The following C17orf67 variants were observed in gnomAD, a reference collection of about 807,000 sequenced individuals.
The protein encoded by C17orf67 is chromosome 17 open reading frame 67, also known as uncharacterized protein C17orf67.
Under a neutral mutation model 11.2 loss-of-function variants are expected in C17orf67, and 12 were observed. The ratio of observed to expected loss-of-function variants is 1.07; its 90% CI spans 0.68 to 1.73. The LOEUF (loss-of-function observed/expected upper bound fraction) is 1.73. Ranked by LOEUF, C17orf67 falls within the 40% of genes most tolerant of loss-of-function variation. C17orf67 has a pLI of 0.00. For synonymous variants in C17orf67, 59 were observed against 46.9 expected, an observed-to-expected ratio of 1.26 and a Z score of -1.05; for missense variants, 115 against 113.5, an observed-to-expected ratio of 1.01 and a Z score of -0.06.
chr17:56,807,245 G>A (rs1239233959), intron 6 of C17orf67, among the ~76,000 whole-genome samples: 1 of 152,208 alleles, frequency 6.6e-6, no homozygotes, highest in Non-Finnish European at 1.5e-5. Flanking sequence ...CCTGGGCGAG[G>A]CATGCTGGGA....
chr17:56,803,009 A>T (rs80101029), intron 6 of C17orf67, among the ~76,000 whole-genome samples: 412 of 152,350 alleles, frequency 2.7e-3, no homozygotes, highest in Non-Finnish European at 4.9e-3. Context: ...CGGTCATCGT[A>T]TCCTTCCCCA....
At chr17:56,826,429 G>C (rs1906033989) in intron 2 of C17orf67, among the ~76,000 whole-genome samples, 2 of 152,184 alleles carry the variant, frequency 1.3e-5, no homozygotes, top group South Asian at 2.1e-4. Context: ...GAGGTGAACT[G>C]ACAAGCACAA....
chr17:56,805,120 A>G (rs1285638682), intron 6 of C17orf67, among the ~76,000 whole-genome samples: 1 of 152,212 alleles, frequency 6.6e-6, no homozygotes, highest in Admixed American at 6.5e-5. Flanking sequence ...AGACAGACAT[A>G]AAAGAGTCAA....
At chr17:56,799,195 G>C (rs187924429) in intron 6 of C17orf67, among the ~76,000 whole-genome samples, 3 of 152,106 alleles carry the variant, frequency 2.0e-5, no homozygotes, top group African/African-American at 7.2e-5. Flanking sequence ...AATATCACAC[G>C]GAACAGTTTC....
intron 6 of C17orf67, among the ~76,000 whole-genome samples, chr17:56,796,789 C>T (rs532493908): frequency 6.6e-6 from 1 of 152,158 alleles, no homozygotes; most frequent in East Asian, 1.9e-4. Flanking sequence ...TCTGTCCCAC[C>T]CCTGCGTGTT....
At position 56,815,750 on chromosome 17, in the gene C17orf67, G is replaced by T. The variant is rs1597995518; in HGVS notation, c.55+6C>A. 1.2e-6 allele frequency: 2 copies of T among 1,605,948 alleles called. No individual in the cohort carries two copies. The highest frequency in any genetic ancestry group is 1.7e-6 in the Non-Finnish European group (2 of 1,174,392). ...GAAATAGGCTGTTTTTGGAGTCAGT[G>T]CCCACCTGAGAAGACAGTCAGTAAG... On this transcript the variant is annotated splice_donor_region_variant and intron_variant, in intron 5 of 7. Coordinates refer to ENST00000397861, the MANE Select transcript of C17orf67 (RefSeq NM_001085430.4).
chr17:56,796,207 A>C (rs548355557), intron 6 of C17orf67, among the ~76,000 whole-genome samples: 86 of 152,334 alleles, frequency 5.6e-4, no homozygotes, highest in African/African-American at 1.8e-3. Flanking sequence ...ACCCAAGAGA[A>C]ACAAAAATGG....
At chr17:56,805,801 G>A (rs1022964931) in intron 6 of C17orf67, among the ~76,000 whole-genome samples, 1 of 151,814 alleles carries the variant, frequency 6.6e-6, no homozygotes. Context: ...GATAATTCAT[G>A]GTTACAAATA....
intron 6 of C17orf67, among the ~76,000 whole-genome samples, chr17:56,800,942 A>G (rs780228194): frequency 6.6e-6 from 1 of 152,228 alleles, no homozygotes; most frequent in South Asian, 2.1e-4. Flanking sequence ...CTTGCTACTC[A>G]GGAGGCTAAG....
chr17:56,818,635 A>G (rs368570732), intron 4 of C17orf67, among the ~76,000 whole-genome samples: 9 of 152,330 alleles, frequency 5.9e-5, no homozygotes, highest in African/African-American at 7.2e-5. Flanking sequence ...TTTTTTCAGT[A>G]GCCACTTTTT....
Position 56,825,100 on chromosome 17 carries a change from G to T in C17orf67, c.-335C>A, listed in dbSNP as rs954187112. The T allele has an allele frequency of 2.0e-5, 3 of 152,242 alleles. No individual in the cohort carries two copies. Among genetic ancestry groups the T allele is most frequent in the African/African-American group, 7.2e-5 (3 of 41,468 alleles). 9.4% of individuals were successfully genotyped at this position (152,242 alleles called of 1,614,324 possible). A position where few individuals can be genotyped will look rare whatever the true frequency, so the allele number is the denominator to read the frequency against. Reference sequence around the variant, plus strand: ...AATTACCTAGGGAACTTGTTAAGAAGTTAGATTCCTAGCTCCACTTCATAT... The same window carrying T: ...AATTACCTAGGGAACTTGTTAAGAATTTAGATTCCTAGCTCCACTTCATAT... On this transcript the variant is annotated 5_prime_UTR_variant, in exon 3 of 8. Transcript: ENST00000397861.
chr17:56,798,842 T>TA (rs1449568029), intron 6 of C17orf67, among the ~76,000 whole-genome samples: 2 of 151,736 alleles, frequency 1.3e-5, no homozygotes, highest in African/African-American at 4.8e-5. Context: ...TCAAAAAAGA[T>TA]AAATAAACAC....
intron 2 of C17orf67, among the ~76,000 whole-genome samples, chr17:56,826,834 T>A (rs1906045173): frequency 6.6e-6 from 1 of 152,228 alleles, no homozygotes; most frequent in Non-Finnish European, 1.5e-5. Flanking sequence ...TCAACCTCTC[T>A]GTGCCTGGGT....
Position 56,813,380 on chromosome 17 carries a change from G to C in C17orf67, c.156+1489C>G, listed in dbSNP as rs555076345. Reference sequence around the variant, plus strand: ...CTCTATCTCTCTGCATTCCTTCTCAGCCCTTTCAGGGTTCCTCTTCCCCTG... The same window carrying C: ...CTCTATCTCTCTGCATTCCTTCTCACCCCTTTCAGGGTTCCTCTTCCCCTG... On this transcript the variant is annotated intron_variant, in intron 6 of 7. Coordinates refer to ENST00000397861, the MANE Select transcript of C17orf67 (RefSeq NM_001085430.4). Among the ~76,000 whole-genome samples the C allele has an allele frequency of 1.1e-4, 16 of 151,396 alleles. No homozygotes were observed. The South Asian group carries it at 1.7e-3, about 16-fold the overall frequency.
intron 6 of C17orf67, among the ~76,000 whole-genome samples, chr17:56,811,755 A>G (rs1251029566): frequency 1.3e-5 from 2 of 152,248 alleles, no homozygotes; most frequent in Non-Finnish European, 2.9e-5. Flanking sequence ...CATCTTGATC[A>G]GCACGCACCA....
intron 5 of C17orf67, 107 bp from the exon 6 acceptor site, chr17:56,815,076 T>G: frequency 1.1e-6 from 1 of 927,924 alleles, no homozygotes; most frequent in Non-Finnish European, 1.8e-6. Context: ...GGTTAAAACA[T>G]GAAAGTTCTT....
At chr17:56,815,018 A>G (rs765154406) in intron 5 of C17orf67, 49 bp from the exon 6 acceptor site, 1 of 1,465,178 alleles carries the variant, frequency 6.8e-7, no homozygotes, top group South Asian at 1.1e-5. Context: ...TCAGGAGTTC[A>G]TGAGCCATCT....
At chr17:56,812,282 T>G (rs1356619884) in intron 6 of C17orf67, among the ~76,000 whole-genome samples, 1 of 152,166 alleles carries the variant, frequency 6.6e-6, no homozygotes, top group Non-Finnish European at 1.5e-5. Context: ...CAGAGGGTGG[T>G]GGAGGCTGCC....
intron 6 of C17orf67, among the ~76,000 whole-genome samples, chr17:56,813,723 T>C (rs754330933): frequency 2.6e-5 from 4 of 152,170 alleles, no homozygotes; most frequent in Admixed American, 6.5e-5. Flanking sequence ...AGGTACTTAA[T>C]ACTCAGAGGA....
Sources: gnomAD v4.1 joint callset for allele counts (sites outside exome capture counted in the v4.1 genomes callset) on GRCh38, gnomAD v4.1.1 for gene constraint, MANE v1.5 for transcripts, NCBI Gene and HGNC (gene_info 2026-07-23, HGNC 2026-07-21) for gene names.